The following EIF4E variants were observed in gnomAD, a reference collection of about 807,000 sequenced individuals.
EIF4E encodes eukaryotic translation initiation factor 4E, also known as eIF-4F 25 kDa subunit.
For synonymous variants in EIF4E, 71 were observed against 88.5 expected, an observed-to-expected ratio of 0.80 and a Z score of 1.11; for missense variants, 113 against 265.6, an observed-to-expected ratio of 0.43 and a Z score of 3.99.
chr4:98,887,013 A>T lies in EIF4E; in HGVS notation c.399+66T>A. 6.8e-7 allele frequency: 1 copy of T among 1,466,720 alleles called. No homozygotes were observed. The highest frequency in any genetic ancestry group is 9.5e-7 in the Non-Finnish European group (1 of 1,048,588). The allele number at this position is 1,466,720 out of a possible 1,614,324, so 90.9% of individuals were successfully genotyped here. ...AAATTAAGTAACAAATGTAAAACAT[A>T]ACATATCTTAAGTATCAGTATTCCA... On this transcript the variant is annotated intron_variant, in intron 5 of 6. Transcript: ENST00000450253. This position sits in a 1 kb window ranked among gnomAD's most constrained non-coding sequence, Gnocchi z 4.0.
intron 1 of EIF4E, among the ~76,000 whole-genome samples, chr4:98,917,395 T>C (rs1231789383): frequency 2.0e-5 from 3 of 152,024 alleles, no homozygotes; most frequent in African/African-American, 4.8e-5. Flanking sequence ...AAATCCTATG[T>C]TTCCCAGGAC....
At chr4:98,913,962 G>A (rs1394961416) in intron 1 of EIF4E, among the ~76,000 whole-genome samples, 8 of 151,622 alleles carry the variant, frequency 5.3e-5, no homozygotes, top group Non-Finnish European at 1.2e-4. Context: ...AACAAACCAC[G>A]GCGTTTATGA....
rs185121186 is a variant in EIF4E at position 98,887,593 on chromosome 4, A to T, written c.285+296T>A. 3.3e-5 allele frequency among the ~76,000 whole-genome samples: 5 copies of T among 152,332 alleles called. No homozygotes were observed. The highest frequency in any genetic ancestry group is 2.0e-4 in the Admixed American group (3 of 15,300). On this transcript the variant is annotated intron_variant, in intron 4 of 6. Transcript: ENST00000450253. This position sits in a 1 kb window ranked among gnomAD's most constrained non-coding sequence, Gnocchi z 4.0. The stretch of plus-strand genomic sequence containing the variant: ...AAGTATTCCAAGGACCCATGCTCCT[A>T]AGGTTAAGAATGCTTGATAAACTCA...
intron 1 of EIF4E, among the ~76,000 whole-genome samples, chr4:98,928,524 G>A (rs1022926805): frequency 6.6e-6 from 1 of 151,990 alleles, no homozygotes; most frequent in Non-Finnish European, 1.5e-5. Context: ...TCCTCCGCGC[G>A]TGCCGCGGCA....
intron 1 of EIF4E, among the ~76,000 whole-genome samples, chr4:98,917,994 T>G (rs1302436732): frequency 6.6e-6 from 1 of 152,102 alleles, no homozygotes; most frequent in African/African-American, 2.4e-5. Flanking sequence ...GATGATCGCT[T>G]GAACGTGGGA....
At chr4:98,918,326 A>T (rs773199201) in intron 1 of EIF4E, among the ~76,000 whole-genome samples, 1 of 150,480 alleles carries the variant, frequency 6.6e-6, no homozygotes, top group African/African-American at 2.4e-5. Context: ...TTGTCACTGC[A>T]CTCCAGCCTA....
chr4:98,906,280 C>T (rs1377918882), intron 1 of EIF4E, among the ~76,000 whole-genome samples: 2 of 152,134 alleles, frequency 1.3e-5, no homozygotes, highest in Non-Finnish European at 2.9e-5. Flanking sequence ...TCAGTAGTCC[C>T]TCTTGGCACT....
At chr4:98,912,247 C>T (rs1481617400) in intron 1 of EIF4E, among the ~76,000 whole-genome samples, 2 of 143,744 alleles carry the variant, frequency 1.4e-5, no homozygotes, top group African/African-American at 5.2e-5. Flanking sequence ...AGCAAAACTC[C>T]GTCTCGAAAA....
rs537992838 is a variant in EIF4E at position 98,889,016 on chromosome 4, G to A, written c.222-1064C>T. 2.1e-4 allele frequency among the ~76,000 whole-genome samples: 32 copies of A among 151,994 alleles called. No homozygotes were observed. In the South Asian group the frequency reaches 3.9e-3, roughly 19 times the overall value. ...TCTACTAAAAATACAAAAATTAGCC[G>A]GGCGTGGTGGCATGCGCCTGTAATC... On this transcript the variant is annotated intron_variant, in intron 3 of 6. Coordinates refer to ENST00000450253, the MANE Select transcript of EIF4E (RefSeq NM_001968.5).
At chr4:98,894,964 T>C (rs1462222785) in intron 2 of EIF4E, among the ~76,000 whole-genome samples, 4 of 152,298 alleles carry the variant, frequency 2.6e-5, no homozygotes, top group East Asian at 1.9e-4. Flanking sequence ...AATTTCAACA[T>C]TGTTGTGTCT....
rs1723588970 is a variant in EIF4E, at chr4:98,879,608, G to T, written c.*1420C>A. The T allele has an allele frequency of 6.6e-6, 1 of 151,928 alleles. No individual in the cohort carries two copies. Among genetic ancestry groups the T allele is most frequent in the South Asian group, 2.1e-4 (1 of 4,834 alleles). 9.4% of individuals were successfully genotyped at this position (151,928 alleles called of 1,614,324 possible). ...ACACCTGTTTATTCCATTCTATTTA[G>T]ATTGCAACACTAACAAGATTCTTAA... On this transcript the variant is annotated 3_prime_UTR_variant, in exon 7 of 7. Transcript: ENST00000450253.
intron 3 of EIF4E, among the ~76,000 whole-genome samples, chr4:98,889,416 A>T (rs879681485): frequency 2.0e-5 from 3 of 152,150 alleles, no homozygotes; most frequent in Non-Finnish European, 4.4e-5. Flanking sequence ...CCTTCAATAA[A>T]ATACTTTTTC....
intron 1 of EIF4E, among the ~76,000 whole-genome samples, chr4:98,910,654 T>A (rs1320080414): frequency 6.6e-6 from 1 of 152,198 alleles, no homozygotes; most frequent in African/African-American, 2.4e-5. Flanking sequence ...TGAACACATT[T>A]TATTAATTAA....
chr4:98,923,985 T>C (rs533752247), intron 1 of EIF4E, among the ~76,000 whole-genome samples: 138 of 152,336 alleles, frequency 9.1e-4, no homozygotes, highest in Middle Eastern at 3.4e-3. Context: ...AAGATGAGAC[T>C]ATAACCCATG....
intron 2 of EIF4E, among the ~76,000 whole-genome samples, chr4:98,899,919 C>T (rs911394692): frequency 1.3e-5 from 2 of 151,372 alleles, no homozygotes; most frequent in African/African-American, 2.4e-5. Context: ...CCAAATGATA[C>T]TTGCTATTTT....
chr4:98,896,020 AC>A (rs55969706), intron 2 of EIF4E, among the ~76,000 whole-genome samples: 1 of 151,510 alleles, frequency 6.6e-6, no homozygotes, highest in Non-Finnish European at 1.5e-5. Flanking sequence ...ACACGGTGAA[AC>A]CCCGTCTCTA....
At chr4:98,910,508 A>G (rs574390998) in intron 1 of EIF4E, among the ~76,000 whole-genome samples, 3 of 152,314 alleles carry the variant, frequency 2.0e-5, no homozygotes, top group African/African-American at 7.2e-5. Flanking sequence ...ACAAAAATTC[A>G]ATAGCTGTTT....
rs543286366 is a variant in EIF4E, at chr4:98,918,260, G to A, written c.18+10835C>T. On this transcript the variant is annotated intron_variant, in intron 1 of 6. Transcript: ENST00000450253. ...ACGCCTGTAATCCAGCTGGTCGGGA[G>A]GCTGAGGCAGGAGAATTGCTTGAAC... is the stretch of plus-strand genomic sequence containing the variant. Among the ~76,000 whole-genome samples, 143 of 151,738 alleles carry A rather than the reference G, an allele frequency of 9.4e-4. 4 individuals are homozygous for A. In the South Asian group the frequency reaches 0.029, roughly 31 times the overall value.
At chr4:98,891,839 T>C (rs1056407191) in intron 2 of EIF4E, among the ~76,000 whole-genome samples, 3 of 152,230 alleles carry the variant, frequency 2.0e-5, no homozygotes, top group Non-Finnish European at 4.4e-5. Flanking sequence ...AAAATGCTAG[T>C]TGTTATTACA....
Sources: allele counts gnomAD v4.1 joint callset (sites outside exome capture counted in the v4.1 genomes callset), GRCh38; gene constraint gnomAD v4.1.1; non-coding constraint Gnocchi (gnomAD v3.1); transcripts MANE v1.5; gene names NCBI Gene and HGNC (gene_info 2026-07-23, HGNC 2026-07-21).